Variants in PTPRD observed in about 807,000 individuals in gnomAD.
PTPRD encodes the protein protein tyrosine phosphatase receptor type D.
PTPRD carries 34 observed loss-of-function variants against 214.5 expected under a neutral mutation model. The observed-to-expected ratio is 0.16, with a 90% CI of 0.12 to 0.21. The LOEUF is 0.21. Ranked by LOEUF, PTPRD falls within the 10% of genes least tolerant of loss-of-function variation. The probability of loss-of-function intolerance (pLI) is 1.00; values close to 1 mark genes in which losing one functional copy is unlikely to be tolerated. For missense variants in PTPRD, 2,545 were observed against 2,398.7 expected, an observed-to-expected ratio of 1.06 and a Z score of -1.27; for synonymous variants, 1,128 against 845.7, an observed-to-expected ratio of 1.33 and a Z score of -5.79.
chr9:8,402,483 G>C (rs2092521051), intron 36 of PTPRD, among the ~76,000 whole-genome samples: 1 of 152,146 alleles, frequency 6.6e-6, no homozygotes, highest in South Asian at 2.1e-4. Context: ...AATTCTTAGT[G>C]GAAACAATGC....
intron 11 of PTPRD, among the ~76,000 whole-genome samples, chr9:9,003,344 G>A (rs2154356587): frequency 6.6e-6 from 1 of 152,092 alleles, no homozygotes; most frequent in East Asian, 1.9e-4. Context: ...AGGCAGTCTG[G>A]CTGTTGCATC....
chr9:9,879,326 G>T (rs557435869), intron 5 of PTPRD, among the ~76,000 whole-genome samples: 1 of 152,228 alleles, frequency 6.6e-6, no homozygotes, highest in Admixed American at 6.5e-5. Context: ...TCCATGAAAT[G>T]TCTGTATTAC....
intron 2 of PTPRD, among the ~76,000 whole-genome samples, chr9:10,488,097 G>T (rs1315858933): frequency 6.6e-6 from 1 of 151,752 alleles, no homozygotes; most frequent in East Asian, 2.0e-4. Flanking sequence ...GCTGGGCATG[G>T]TGGCTCGCGC....
At position 8,441,599 on chromosome 9, in the gene PTPRD, C is replaced by A. The variant is rs182312125; in HGVS notation, c.3989-4910G>T. Among the ~76,000 whole-genome samples the A allele has an allele frequency of 6.4e-4, 97 of 151,742 alleles. 2 individuals carry two copies. In the East Asian group the frequency reaches 0.015, roughly 23 times the overall value. ...AATCTGTGTGTATGTGAATTAGAAT[C>A]AAGGAGTGTTGGGAGTGACAGACTG... On this transcript the variant is annotated intron_variant, in intron 34 of 45. Transcript: ENST00000381196.
chr9:8,894,467 T>A (rs559246793), intron 11 of PTPRD, among the ~76,000 whole-genome samples: 3 of 147,554 alleles, frequency 2.0e-5, no homozygotes, highest in Middle Eastern at 3.7e-3. Flanking sequence ...ATTGCATGAT[T>A]TATATAAAAA....
chr9:10,190,458 CT>C (rs1172657906), intron 3 of PTPRD, among the ~76,000 whole-genome samples: 4 of 141,708 alleles, frequency 2.8e-5, no homozygotes, highest in Admixed American at 7.4e-5. Flanking sequence ...TGGCTTATGC[CT>C]GTAATCCCAG....
chr9:10,462,419 G>C (rs2098965602), intron 2 of PTPRD, among the ~76,000 whole-genome samples: 1 of 152,090 alleles, frequency 6.6e-6, no homozygotes, highest in South Asian at 2.1e-4. Flanking sequence ...ATGAGATTCT[G>C]GAAAGTAAAC....
At chr9:9,502,799 T>C (rs182700641) in intron 8 of PTPRD, among the ~76,000 whole-genome samples, 99 of 152,030 alleles carry the variant, frequency 6.5e-4, no homozygotes, top group African/African-American at 2.3e-3. Flanking sequence ...AAAAACATTA[T>C]GTTGAAGCAA....
chr9:9,035,501 T>C (rs324464), intron 10 of PTPRD, among the ~76,000 whole-genome samples: 145,806 of 151,812 alleles, frequency 0.96, 70,314 homozygotes, highest in Middle Eastern at 1. Flanking sequence ...AACATCAGCT[T>C]GCGCCATGCT....
rs567924292 is a variant in PTPRD at position 8,727,974 on chromosome 9, G to A, written c.64+5806C>T. Reference sequence around the variant, plus strand: ...CTTAAGAACATTTTTGAGGCCAGGCGCAGTGGCTCATGCCTGTAATCCCAG... The same window carrying A: ...CTTAAGAACATTTTTGAGGCCAGGCACAGTGGCTCATGCCTGTAATCCCAG... On this transcript the variant is annotated intron_variant, in intron 12 of 45. Coordinates refer to ENST00000381196, the MANE Select transcript of PTPRD (RefSeq NM_002839.4). 8.5e-4 allele frequency among the ~76,000 whole-genome samples: 130 copies of A among 152,306 alleles called. 1 individual carries two copies. Among genetic ancestry groups the A allele is most frequent in the African/African-American group, 3.0e-3 (123 of 41,570 alleles).
chr9:8,693,047 G>A (rs1328284557), intron 12 of PTPRD, among the ~76,000 whole-genome samples: 1 of 152,188 alleles, frequency 6.6e-6, no homozygotes, highest in African/African-American at 2.4e-5. Context: ...ATTAAAAACA[G>A]TCAAAATTGT....
intron 35 of PTPRD, among the ~76,000 whole-genome samples, chr9:8,407,927 A>C (rs2093163804): frequency 6.6e-6 from 1 of 152,240 alleles, no homozygotes; most frequent in Non-Finnish European, 1.5e-5. Flanking sequence ...TAACAACTGA[A>C]AGTTGGTGAG....
intron 2 of PTPRD, among the ~76,000 whole-genome samples, chr9:10,609,578 C>A (rs1014297929): frequency 2.0e-5 from 3 of 152,068 alleles, no homozygotes; most frequent in South Asian, 4.1e-4. Flanking sequence ...CACTTACTCT[C>A]CAGCATTATT....
At chr9:9,045,893 G>A (rs2099671005) in intron 10 of PTPRD, among the ~76,000 whole-genome samples, 2 of 152,132 alleles carry the variant, frequency 1.3e-5, no homozygotes, top group African/African-American at 4.8e-5. Flanking sequence ...AAATGATTAG[G>A]CTTCCATCAA....
At chr9:9,756,328 G>C (rs886510799) in intron 6 of PTPRD, among the ~76,000 whole-genome samples, 1 of 152,082 alleles carries the variant, frequency 6.6e-6, no homozygotes, top group African/African-American at 2.4e-5. Context: ...TTCCTGGAGA[G>C]TGCTTGCTAG....
intron 20 of PTPRD, among the ~76,000 whole-genome samples, chr9:8,520,617 A>C (rs1033933728): frequency 3.0e-4 from 46 of 152,178 alleles, no homozygotes; most frequent in African/African-American, 1.1e-3. Context: ...GGAAAAAAAA[A>C]CGGTACCCTT....
intron 11 of PTPRD, among the ~76,000 whole-genome samples, chr9:8,917,392 C>A (rs2098794819): frequency 1.3e-5 from 2 of 151,794 alleles, no homozygotes; most frequent in African/African-American, 4.8e-5. Flanking sequence ...CCACCTCGGC[C>A]TCCCAAAGTG....
chr9:8,598,553 C>T (rs1364454810), intron 14 of PTPRD, among the ~76,000 whole-genome samples: 2 of 152,154 alleles, frequency 1.3e-5, no homozygotes, highest in Non-Finnish European at 2.9e-5. Context: ...TATAATCAGT[C>T]AATATGAAAG....
chr9:9,653,203 G>A (rs372826300), intron 7 of PTPRD, among the ~76,000 whole-genome samples: 2 of 148,946 alleles, frequency 1.3e-5, no homozygotes, highest in African/African-American at 2.5e-5. Context: ...TTAGCCGGGC[G>A]CGGTGGCGGG....
Sources: allele counts gnomAD v4.1 joint callset (sites outside exome capture counted in the v4.1 genomes callset), GRCh38; gene constraint gnomAD v4.1.1; transcripts MANE v1.5; gene names NCBI Gene and HGNC (gene_info 2026-07-23, HGNC 2026-07-21).